The following ASTN2 variants were observed in gnomAD, a reference collection of about 807,000 sequenced individuals.
The protein encoded by ASTN2 is astrotactin-2.
ASTN2 carries 54 observed loss-of-function variants against 139.8 expected under a neutral mutation model. The observed-to-expected ratio is 0.39, with a 90% confidence interval of 0.31 to 0.48. The LOEUF is 0.48. ASTN2 is among the 20% of genes least tolerant of loss of function. The pLI is 0.95. For synonymous variants in ASTN2, 756 were observed against 719.5 expected (o/e 1.05, Z -0.81); for missense variants, 1,565 against 1,725.1 (o/e 0.91, Z 1.64).
intron 1 of ASTN2, among the ~76,000 whole-genome samples, chr9:117,328,662 G>A (rs1244641885): frequency 1.3e-5 from 2 of 152,142 alleles, no homozygotes; most frequent in African/African-American, 4.8e-5. Flanking sequence ...TTCATCCCAG[G>A]GAAATGGGCA....
At chr9:116,531,067 T>C (rs979313015) in intron 19 of ASTN2, among the ~76,000 whole-genome samples, 3 of 152,210 alleles carry the variant, frequency 2.0e-5, no homozygotes, top group Non-Finnish European at 4.4e-5. Context: ...TACTATGTAT[T>C]AATGTAAGCT....
chr9:117,247,786 T>A (rs13285410), intron 2 of ASTN2, among the ~76,000 whole-genome samples: 1 of 151,952 alleles, frequency 6.6e-6, no homozygotes, highest in Non-Finnish European at 1.5e-5. Flanking sequence ...GGGAGAAGGC[T>A]GTGTCAGCTC....
chr9:116,971,769 A>C (rs1836212311), intron 10 of ASTN2, among the ~76,000 whole-genome samples: 1 of 152,232 alleles, frequency 6.6e-6, no homozygotes, highest in African/African-American at 2.4e-5. Context: ...AATGCTTCTA[A>C]AGAGTTCACC....
intron 10 of ASTN2, among the ~76,000 whole-genome samples, chr9:116,936,760 C>T (rs1835094509): frequency 6.6e-6 from 1 of 152,142 alleles, no homozygotes; most frequent in Admixed American, 6.5e-5. Flanking sequence ...CTTCAGATGA[C>T]AAATGAACCC....
chr9:117,256,178 C>T (rs961531191), intron 2 of ASTN2, among the ~76,000 whole-genome samples: 3 of 152,130 alleles, frequency 2.0e-5, no homozygotes, highest in African/African-American at 7.2e-5. Flanking sequence ...GAGCTCAACT[C>T]ATGTTCAGCC....
At chr9:117,163,994 A>G (rs1280517779) in intron 3 of ASTN2, among the ~76,000 whole-genome samples, 3 of 152,134 alleles carry the variant, frequency 2.0e-5, no homozygotes, top group Admixed American at 6.6e-5. Flanking sequence ...AAATGAATGA[A>G]TAAATGGATT....
chr9:116,633,653 C>T (rs1856917989), intron 17 of ASTN2, among the ~76,000 whole-genome samples: 1 of 152,146 alleles, frequency 6.6e-6, no homozygotes, highest in African/African-American at 2.4e-5. Context: ...AAGAATTACA[C>T]AATTTCTCTT....
intron 7 of ASTN2, among the ~76,000 whole-genome samples, chr9:117,003,194 G>A (rs563100750): frequency 6.6e-6 from 1 of 152,218 alleles, no homozygotes; most frequent in East Asian, 1.9e-4. Flanking sequence ...TAACAAATTT[G>A]GCAACTGAGT....
At chr9:116,978,263 C>T (rs1836408692) in intron 7 of ASTN2, among the ~76,000 whole-genome samples, 1 of 152,092 alleles carries the variant, frequency 6.6e-6, no homozygotes, top group Admixed American at 6.6e-5. Flanking sequence ...CTATGGAACA[C>T]CTCTAGGGAA....
intron 2 of ASTN2, among the ~76,000 whole-genome samples, chr9:117,258,659 T>G (rs1009166367): frequency 6.6e-6 from 1 of 152,158 alleles, no homozygotes; most frequent in African/African-American, 2.4e-5. Context: ...TCAAAATTCT[T>G]TAGCCTTACC....
intron 16 of ASTN2, among the ~76,000 whole-genome samples, chr9:116,692,321 G>C (rs1242062368): frequency 6.6e-6 from 1 of 152,082 alleles, no homozygotes; most frequent in Admixed American, 6.6e-5. Flanking sequence ...TGGGGCCTTG[G>C]GTACAGTCTG....
intron 10 of ASTN2, 79 bp from the exon 11 acceptor site, chr9:116,863,812 C>T (rs1309245104): frequency 2.9e-6 from 4 of 1,366,560 alleles, no homozygotes; most frequent in Non-Finnish European, 3.0e-6. Context: ...GAATTCATTA[C>T]ATTTGAAACC....
At chr9:116,704,542 T>TATGTAA (rs1827941134) in intron 16 of ASTN2, among the ~76,000 whole-genome samples, 1 of 152,224 alleles carries the variant, frequency 6.6e-6, no homozygotes, top group Non-Finnish European at 1.5e-5. Flanking sequence ...TAAAAGTACC[T>TATGTAA]AATTCAGAAA....
intron 19 of ASTN2, among the ~76,000 whole-genome samples, chr9:116,596,295 T>C (rs1020408995): frequency 3.9e-5 from 6 of 152,178 alleles, no homozygotes; most frequent in East Asian, 1.9e-4. Context: ...AAACAAGGAA[T>C]TGGTTTTCAA....
intron 5 of ASTN2, among the ~76,000 whole-genome samples, chr9:117,092,685 T>C (rs7027675): frequency 0.027 from 4,149 of 152,278 alleles, 185 homozygotes; most frequent in African/African-American, 0.093. Context: ...CTGCCTTTCC[T>C]GGTACTTTTA....
At chr9:116,843,113 C>T (rs540788435) in intron 11 of ASTN2, among the ~76,000 whole-genome samples, 5 of 152,278 alleles carry the variant, frequency 3.3e-5, no homozygotes, top group South Asian at 2.1e-4. Context: ...GAAAATAAAT[C>T]GTTCTACCAA....
chr9:117,275,593 T>C (rs368740454), intron 2 of ASTN2, among the ~76,000 whole-genome samples: 6 of 130,312 alleles, frequency 4.6e-5, no homozygotes, highest in African/African-American at 1.7e-4. Flanking sequence ...TGAGACGGAG[T>C]CTTACTCTGT....
At chr9:116,600,921 C>T (rs1854862754) in intron 19 of ASTN2, among the ~76,000 whole-genome samples, 1 of 151,932 alleles carries the variant, frequency 6.6e-6, no homozygotes, top group South Asian at 2.1e-4. Flanking sequence ...TGAGTGCTTA[C>T]TATGTGCCTG....
chr9:116,766,082 TA>T (rs913918715), intron 13 of ASTN2, among the ~76,000 whole-genome samples: 2 of 152,128 alleles, frequency 1.3e-5, no homozygotes, highest in Non-Finnish European at 2.9e-5. Context: ...AAAGAGAGCC[TA>T]AAACATGGCA....
Sources: allele counts gnomAD v4.1 joint callset (sites outside exome capture counted in the v4.1 genomes callset), GRCh38; gene constraint gnomAD v4.1.1; transcripts MANE v1.5; gene names NCBI Gene and HGNC (gene_info 2026-07-23, HGNC 2026-07-21).